The following STAT3 variants were observed in gnomAD, a reference collection of about 807,000 sequenced individuals.
The protein encoded by STAT3 is signal transducer and activator of transcription 3.
In STAT3, 7 loss-of-function variants were observed where a neutral mutation model predicts 114.3. The ratio of observed to expected loss-of-function variants is 0.06; its 90% CI spans 0.03 to 0.11. STAT3 has a LOEUF of 0.11. Among genes scored for constraint, STAT3 ranks in the 10% least tolerant of loss-of-function variants. The probability of loss-of-function intolerance (pLI) is 1.00; values close to 1 mark genes in which losing one functional copy is unlikely to be tolerated. For synonymous variants in STAT3, 331 were observed against 354.5 expected, an observed-to-expected ratio of 0.93 and a Z score of 0.74; for missense variants, 364 against 960.9, an observed-to-expected ratio of 0.38 and a Z score of 8.21.
intron 1 of STAT3, among the ~76,000 whole-genome samples, chr17:42,373,612 G>A (rs552147424): frequency 7.9e-5 from 12 of 151,678 alleles, no homozygotes; most frequent in East Asian, 3.9e-4. Flanking sequence ...TAATTGAGCC[G>A]GGCGCGGTGG....
At chr17:42,363,537 G>A (rs918918818) in intron 1 of STAT3, among the ~76,000 whole-genome samples, 1 of 152,006 alleles carries the variant, frequency 6.6e-6, no homozygotes, top group Admixed American at 6.6e-5. Flanking sequence ...TCAACCTCCT[G>A]GGCTCAAGCA....
In STAT3 at chr17:42,346,620, C is replaced by T. The variant is rs2082710657; in HGVS notation, c.222G>A (p.Glu74=). 6.2e-7 allele frequency: 1 copy of T among 1,614,016 alleles called. No individual in the cohort carries two copies. Among genetic ancestry groups the T allele is most frequent in the Admixed American group, 1.7e-5 (1 of 59,994 alleles). ...IDQQYSRFLQ[E]SNVLYQHNLR... is the part of the protein sequence containing the mutation. ...GATTGTGCTGATAGAGAACATTCGA[C>T]TCTTGCAGGAAGCGGCTATACTGCT... The change falls in exon 3 of 24, where the codon GAG becomes GAA. Residue 74 remains glutamate, a synonymous_variant. Coordinates refer to ENST00000264657, the MANE Select transcript of STAT3 (RefSeq NM_139276.3).
chr17:42,347,047 G>A (rs2082729535), intron 2 of STAT3, among the ~76,000 whole-genome samples: 1 of 151,918 alleles, frequency 6.6e-6, no homozygotes, highest in Non-Finnish European at 1.5e-5. Flanking sequence ...AATTAGCCAG[G>A]TGTGGTGGTG....
intron 1 of STAT3, among the ~76,000 whole-genome samples, chr17:42,352,794 C>T (rs1046188524): frequency 7.2e-5 from 11 of 152,054 alleles, no homozygotes; most frequent in Non-Finnish European, 1.6e-4. Context: ...TTTACTGAAA[C>T]TCTAAACCTA....
At chr17:42,385,443 A>T (rs566867915) in intron 1 of STAT3, among the ~76,000 whole-genome samples, 1 of 148,158 alleles carries the variant, frequency 6.7e-6, no homozygotes. Flanking sequence ...CGGGAGGAGG[A>T]GGTTGCAGTG....
Position 42,313,639 on chromosome 17 carries a change from C to T in STAT3, c.*2106G>A. 4.3e-6 allele frequency: 1 copy of T among 231,668 alleles called. No individual in the cohort carries two copies. 14.4% of individuals were successfully genotyped at this position (231,668 alleles called of 1,614,324 possible). On this transcript the variant is annotated 3_prime_UTR_variant, in exon 24 of 24. Coordinates refer to ENST00000264657, the MANE Select transcript of STAT3 (RefSeq NM_139276.3). ...TCAGCTCCTCTCAGAACTTTTGCTA[C>T]AATCAGAGTTAAGACCAGATACATG...
chr17:42,370,301 A>G (rs2084043703), intron 1 of STAT3, among the ~76,000 whole-genome samples: 3 of 147,312 alleles, frequency 2.0e-5, no homozygotes, highest in Admixed American at 6.9e-5. Flanking sequence ...GCTAGAGTAC[A>G]GTGGCATGAT....
chr17:42,351,517 G>A (rs962406701), intron 1 of STAT3, among the ~76,000 whole-genome samples: 23 of 151,916 alleles, frequency 1.5e-4, no homozygotes, highest in African/African-American at 2.4e-4. Context: ...TTGAGCCACC[G>A]TGTCCAGCCC....
At chr17:42,361,334 A>T (rs966311277) in intron 1 of STAT3, among the ~76,000 whole-genome samples, 21 of 152,040 alleles carry the variant, frequency 1.4e-4, no homozygotes, top group African/African-American at 4.8e-4. Context: ...ATACAAAAAC[A>T]TTAGCAGGCA....
At chr17:42,331,351 T>A in intron 11 of STAT3, 121 bp downstream of exon 11, 2 of 952,568 alleles carry the variant, frequency 2.1e-6, no homozygotes, top group Non-Finnish European at 3.2e-6. Context: ...TTTTGAAAAC[T>A]TTTGTCCACA....
rs545703596 is a variant in STAT3 at position 42,376,723 on chromosome 17, G to A, written c.-24+11556C>T. Among the ~76,000 whole-genome samples the A allele has an allele frequency of 2.6e-5, 4 of 152,048 alleles. No homozygotes were observed. The East Asian group carries it at 7.7e-4, about 29-fold the overall frequency. ...TAGCCGGGCATTGTGACGGGCGCCT[G>A]TAGTCCCAGCTACTTGGGAGGCTGA... On this transcript the variant is annotated intron_variant, in intron 1 of 23. Coordinates refer to ENST00000264657, the MANE Select transcript of STAT3 (RefSeq NM_139276.3).
At chr17:42,351,696 G>C (rs1038869294) in intron 1 of STAT3, among the ~76,000 whole-genome samples, 1 of 152,154 alleles carries the variant, frequency 6.6e-6, no homozygotes, top group Non-Finnish European at 1.5e-5. Context: ...TAGAGAGAAT[G>C]TCAGAATAAG....
intron 1 of STAT3, among the ~76,000 whole-genome samples, chr17:42,369,569 C>A (rs2083992523): frequency 6.6e-6 from 1 of 152,102 alleles, no homozygotes; most frequent in South Asian, 2.1e-4. Context: ...CAATGCTTTA[C>A]CCTCAAGAAA....
intron 1 of STAT3, among the ~76,000 whole-genome samples, chr17:42,368,412 C>T (rs1213137067): frequency 6.6e-6 from 1 of 152,154 alleles, no homozygotes; most frequent in Non-Finnish European, 1.5e-5. Context: ...CGTACAACCA[C>T]TTGGATGACT....
At chr17:42,353,200 T>C (rs111749991) in intron 1 of STAT3, among the ~76,000 whole-genome samples, 1 of 151,904 alleles carries the variant, frequency 6.6e-6, no homozygotes, top group Non-Finnish European at 1.5e-5. Flanking sequence ...ATACAAAAAT[T>C]AGCTGGGTAT....
At chr17:42,369,646 TTTTTG>T (rs200964763) in intron 1 of STAT3, among the ~76,000 whole-genome samples, 1,752 of 152,188 alleles carry the variant, frequency 0.012, 41 homozygotes, top group African/African-American at 0.04. Context: ...CAGTTTCTTT[TTTTTG>T]TTTTGTTTTG....
At chr17:42,355,590 A>G (rs2083189084) in intron 1 of STAT3, among the ~76,000 whole-genome samples, 1 of 152,214 alleles carries the variant, frequency 6.6e-6, no homozygotes, top group African/African-American at 2.4e-5. Flanking sequence ...CAAGTCATCA[A>G]AGACTTTTTG....
At chr17:42,336,761 T>C (rs1182046596) in intron 8 of STAT3, among the ~76,000 whole-genome samples, 1 of 152,102 alleles carries the variant, frequency 6.6e-6, no homozygotes, top group Non-Finnish European at 1.5e-5. Context: ...TTTTTTCTTC[T>C]CTTGATTAAT....
intron 1 of STAT3, 66 bp from the exon 2 acceptor site, chr17:42,348,605 CA>C: frequency 1.9e-6 from 3 of 1,584,264 alleles, no homozygotes; most frequent in Non-Finnish European, 2.6e-6. Context: ...TAGAAGTAGC[CA>C]TTGCCCAACA....
Sources: gnomAD v4.1 joint callset for allele counts (sites outside exome capture counted in the v4.1 genomes callset) on GRCh38, gnomAD v4.1.1 for gene constraint, MANE v1.5 for transcripts, NCBI Gene and HGNC (gene_info 2026-07-23, HGNC 2026-07-21) for gene names.